PTPRT: variants seen among roughly 807,000 people sequenced by gnomAD.
PTPRT encodes the protein protein tyrosine phosphatase receptor type T.
PTPRT carries 56 observed loss-of-function variants against 176.8 expected under a neutral mutation model. The observed-to-expected ratio is 0.32, with a 90% CI of 0.26 to 0.40. PTPRT has a LOEUF of 0.40. PTPRT is among the 10% of genes least tolerant of loss of function. PTPRT has a pLI of 1.00. For missense variants in PTPRT, 1,540 were observed against 1,908.2 expected (o/e 0.81, Z 3.60); for synonymous variants, 783 against 739.0 (o/e 1.06, Z -0.96).
intron 6 of PTPRT, among the ~76,000 whole-genome samples, chr20:42,716,433 G>C (rs1459796631): frequency 1.3e-5 from 2 of 152,116 alleles, no homozygotes; most frequent in Non-Finnish European, 2.9e-5. Flanking sequence ...ACTTTTTAAT[G>C]ATCGCCATTC....
chr20:42,944,322 C>T (rs1980748762), intron 1 of PTPRT, among the ~76,000 whole-genome samples: 1 of 152,172 alleles, frequency 6.6e-6, no homozygotes, highest in Admixed American at 6.5e-5. Context: ...AATACAAGAA[C>T]CTGCAAACTG....
chr20:42,111,496 C>G (rs763427000), intron 22 of PTPRT, among the ~76,000 whole-genome samples: 3 of 152,206 alleles, frequency 2.0e-5, no homozygotes, highest in Non-Finnish European at 4.4e-5. Context: ...GCCTGCTAAC[C>G]TGATCTGAGG....
chr20:42,865,186 G>C (rs2078725653), intron 2 of PTPRT, among the ~76,000 whole-genome samples: 1 of 152,182 alleles, frequency 6.6e-6, no homozygotes, highest in South Asian at 2.1e-4. Flanking sequence ...TGTGGTATTA[G>C]AGTTAGAAAA....
intron 6 of PTPRT, among the ~76,000 whole-genome samples, chr20:42,684,794 A>T (rs984230692): frequency 2.0e-5 from 3 of 152,162 alleles, no homozygotes; most frequent in Admixed American, 2.0e-4. Context: ...ATCAAAACAA[A>T]ATAAAAAGAC....
intron 12 of PTPRT, among the ~76,000 whole-genome samples, chr20:42,299,173 G>C (rs1014020103): frequency 1.3e-5 from 2 of 152,026 alleles, no homozygotes; most frequent in African/African-American, 2.4e-5. Flanking sequence ...TTTTCTGTAT[G>C]CACTTGTTTG....
At chr20:42,130,919 C>T (rs954947189) in intron 18 of PTPRT, among the ~76,000 whole-genome samples, 1 of 152,080 alleles carries the variant, frequency 6.6e-6, no homozygotes, top group African/African-American at 2.4e-5. Flanking sequence ...ATTTATGCCT[C>T]AAAATAGCCA....
chr20:42,982,357 C>T (rs1983332294), intron 1 of PTPRT, among the ~76,000 whole-genome samples: 1 of 152,110 alleles, frequency 6.6e-6, no homozygotes, highest in South Asian at 2.1e-4. Flanking sequence ...AGTAAACAAA[C>T]AAGTAACATA....
At chr20:42,752,875 G>A (rs1219235392) in intron 6 of PTPRT, among the ~76,000 whole-genome samples, 1 of 152,132 alleles carries the variant, frequency 6.6e-6, no homozygotes. Flanking sequence ...ACCCACTCCA[G>A]GGTGACAGGT....
At chr20:42,566,630 A>T (rs2073044628) in intron 7 of PTPRT, among the ~76,000 whole-genome samples, 1 of 152,152 alleles carries the variant, frequency 6.6e-6, no homozygotes, top group Non-Finnish European at 1.5e-5. Context: ...AGCAGGACAA[A>T]CTTGGAAGCC....
intron 15 of PTPRT, among the ~76,000 whole-genome samples, chr20:42,215,592 T>G (rs917045449): frequency 4.0e-5 from 5 of 126,124 alleles, no homozygotes; most frequent in Non-Finnish European, 9.3e-5. Context: ...CCCTGTAGTT[T>G]CATCTTGCTC....
chr20:42,426,049 A>C (rs1182478949), intron 9 of PTPRT, among the ~76,000 whole-genome samples: 2 of 152,110 alleles, frequency 1.3e-5, no homozygotes, highest in African/African-American at 2.4e-5. Flanking sequence ...TGGTTCGTGA[A>C]AGTTGTCTGT....
intron 9 of PTPRT, among the ~76,000 whole-genome samples, chr20:42,389,579 G>A (rs1232556505): frequency 6.6e-6 from 1 of 152,100 alleles, no homozygotes; most frequent in Non-Finnish European, 1.5e-5. Context: ...GCAAGGCATG[G>A]TGTCTCAGGC....
At chr20:42,369,657 G>T (rs1466072970) in intron 9 of PTPRT, among the ~76,000 whole-genome samples, 1 of 152,162 alleles carries the variant, frequency 6.6e-6, no homozygotes, top group African/African-American at 2.4e-5. Flanking sequence ...GGGTGACAGG[G>T]GAGAAAATCA....
chr20:42,708,497 C>G (rs763339875), intron 6 of PTPRT, among the ~76,000 whole-genome samples: 1 of 152,278 alleles, frequency 6.6e-6, no homozygotes, highest in East Asian at 1.9e-4. Context: ...CACAGGCCCT[C>G]CTTGTGGCCA....
chr20:42,713,518 G>T (rs930306473), intron 6 of PTPRT, among the ~76,000 whole-genome samples: 2 of 151,974 alleles, frequency 1.3e-5, no homozygotes, highest in Non-Finnish European at 1.5e-5. Flanking sequence ...ATCATCCATT[G>T]CTCTTCAGAA....
At chr20:42,575,119 A>C (rs895995563) in intron 7 of PTPRT, among the ~76,000 whole-genome samples, 1 of 152,184 alleles carries the variant, frequency 6.6e-6, no homozygotes, top group Non-Finnish European at 1.5e-5. Flanking sequence ...AAAGCTGATA[A>C]AATGACTGCA....
chr20:42,177,841 C>G (rs543202751), intron 16 of PTPRT, among the ~76,000 whole-genome samples: 1 of 152,008 alleles, frequency 6.6e-6, no homozygotes, highest in African/African-American at 2.4e-5. Context: ...CTCCCTCCTT[C>G]TCTTCTCCCT....
chr20:42,882,286 G>T (rs74566476), intron 2 of PTPRT, among the ~76,000 whole-genome samples: 176 of 152,262 alleles, frequency 1.2e-3, no homozygotes, highest in African/African-American at 3.9e-3. Context: ...ATCCACAGGC[G>T]CATCATGACA....
intron 7 of PTPRT, among the ~76,000 whole-genome samples, chr20:42,578,300 AG>A (rs982626318): frequency 3.3e-5 from 5 of 152,104 alleles, no homozygotes; most frequent in African/African-American, 1.2e-4. Context: ...CTCCCAGTGC[AG>A]GGTAAATGGA....
Sources: allele counts gnomAD v4.1 joint callset (sites outside exome capture counted in the v4.1 genomes callset), GRCh38; gene constraint gnomAD v4.1.1; transcripts MANE v1.5; gene names NCBI Gene and HGNC (gene_info 2026-07-23, HGNC 2026-07-21).